The following MAMLD1 variants were observed in gnomAD, a reference collection of about 807,000 sequenced individuals.
MAMLD1 encodes mastermind-like domain-containing protein 1.
Under a neutral mutation model 45.0 loss-of-function variants are expected in MAMLD1, and 14 were observed. That is an observed-to-expected ratio of 0.31 (90% CI 0.21 to 0.49). The LOEUF (loss-of-function observed/expected upper bound fraction) is 0.49, where lower values mean the gene tolerates loss of function less well. Ranked by LOEUF, MAMLD1 falls within the 20% of genes least tolerant of loss-of-function variation. The pLI is 0.99. For synonymous variants in MAMLD1, 254 were observed against 247.8 expected, an observed-to-expected ratio of 1.02 and a Z score of -0.24; for missense variants, 543 against 603.6, an observed-to-expected ratio of 0.90 and a Z score of 1.05.
chrX:150,487,827 A>G (rs1038570821), intron 5 of MAMLD1, among the ~76,000 whole-genome samples: 3 of 112,294 alleles, frequency 2.7e-5, no homozygotes, highest in Non-Finnish European at 5.6e-5. Context: ...TTTGTTAAAA[A>G]TCCTCACTGA....
At chrX:150,503,664 G>A in intron 6 of MAMLD1, 147 bp downstream of exon 6, 3 of 480,443 alleles carry the variant, frequency 6.2e-6, no homozygotes, top group Middle Eastern at 5.6e-4. Flanking sequence ...ACCCATGAGG[G>A]ACTTCTAGTG....
chrX:150,435,419 G>A (rs1221974765), intron 1 of MAMLD1, among the ~76,000 whole-genome samples: 3 of 111,522 alleles, frequency 2.7e-5, no homozygotes. Flanking sequence ...GGAGGCTGAG[G>A]CAAAGAATTG....
chrX:150,431,329 T>C (rs918241941), intron 1 of MAMLD1, among the ~76,000 whole-genome samples: 1 of 111,423 alleles, frequency 9.0e-6, no homozygotes. Context: ...AGTTTCTCTG[T>C]AGATACTTTG....
At position 150,363,505 on chromosome X, in the gene MAMLD1, C is replaced by G. The variant is rs1019499978; in HGVS notation, c.-89C>G. On this transcript the variant is annotated 5_prime_UTR_variant, in exon 1 of 8. Transcript: ENST00000370401. The stretch of plus-strand genomic sequence containing the variant: ...CCGCCCGCCCCTCGGACACTGCCCC[C>G]GCCGCCGCCGGAGCTCTGCAGCACG... The G allele has an allele frequency of 6.2e-5, 7 of 112,370 alleles. No individual in the cohort carries two copies. The highest frequency in any genetic ancestry group is 2.3e-4 in the African/African-American group (7 of 30,950). The allele number at this position is 112,370 out of a possible 1,213,427, so 9.3% of individuals were successfully genotyped here. A position where few individuals can be genotyped will look rare whatever the true frequency, so the allele number is the denominator to read the frequency against.
chrX:150,404,014 A>AG (rs2033932504), intron 1 of MAMLD1, among the ~76,000 whole-genome samples: 3 of 91,571 alleles, frequency 3.3e-5, no homozygotes, highest in African/African-American at 1.2e-4. Flanking sequence ...GAAGGAAGAA[A>AG]GAAGAAGGGA....
At chrX:150,443,545 C>A (rs1485461525) in intron 1 of MAMLD1, among the ~76,000 whole-genome samples, 1 of 89,501 alleles carries the variant, frequency 1.1e-5, no homozygotes, top group Non-Finnish European at 2.2e-5. Context: ...TCTCCTAATG[C>A]TATCCCTCCT....
chrX:150,443,525 A>G (rs1557404653), intron 1 of MAMLD1, among the ~76,000 whole-genome samples: 1 of 102,363 alleles, frequency 9.8e-6, no homozygotes, highest in African/African-American at 3.5e-5. Context: ...GTCATTTAGC[A>G]TTAGGTATAT....
At chrX:150,389,205 CCTGA>C (rs1163388227) in intron 1 of MAMLD1, among the ~76,000 whole-genome samples, 1 of 110,987 alleles carries the variant, frequency 9.0e-6, no homozygotes, top group Non-Finnish European at 1.9e-5. Context: ...CACTGCCACG[CCTGA>C]CTAATTTTTT....
At chrX:150,469,609 C>G in intron 3 of MAMLD1, 136 bp from the exon 4 acceptor site, 4 of 347,938 alleles carry the variant, frequency 1.1e-5, no homozygotes, top group Non-Finnish European at 2.0e-5. Context: ...AAAAATTCCT[C>G]TCTCTCTCTC....
intron 6 of MAMLD1, 39 bp downstream of exon 6, chrX:150,503,556 T>C: frequency 1.2e-6 from 1 of 841,954 alleles, no homozygotes; most frequent in Non-Finnish European, 1.7e-6. Flanking sequence ...TCCTCATCTG[T>C]CAACGGGGCA....
At chrX:150,496,294 G>A (rs1213567452) in intron 5 of MAMLD1, among the ~76,000 whole-genome samples, 1 of 112,481 alleles carries the variant, frequency 8.9e-6, no homozygotes. Flanking sequence ...GCGGTTAAGA[G>A]CCTGGATTTT....
chrX:150,495,580 C>T (rs685809), intron 5 of MAMLD1, among the ~76,000 whole-genome samples: 23,157 of 111,958 alleles, frequency 0.21, 2,185 homozygotes, highest in East Asian at 0.46. Context: ...TCCACTGATC[C>T]GGCCAGCAGG....
chrX:150,474,595 C>A (rs1250486609), intron 5 of MAMLD1, among the ~76,000 whole-genome samples: 1 of 111,921 alleles, frequency 8.9e-6, no homozygotes, highest in Non-Finnish European at 1.9e-5. Context: ...ATCTCCAGAC[C>A]CTGTACCCAC....
At chrX:150,403,964 G>GAAAGAAAGAA (rs1557402574) in intron 1 of MAMLD1, among the ~76,000 whole-genome samples, 26 of 83,711 alleles carry the variant, frequency 3.1e-4, no homozygotes, top group African/African-American at 1.2e-3. Flanking sequence ...AAGAAAGAAA[G>GAAAGAAAGAA]AAAGAAAGAA....
At position 150,394,129 on chromosome X, in the gene MAMLD1, C is replaced by CTTTTTTTTTTTTTT. The variant is rs781904160; in HGVS notation, c.-64+30611_-64+30624dup. On this transcript the variant is annotated intron_variant, in intron 1 of 7. Transcript: ENST00000370401. ...GGGGTGTAAGGTCTATATCTACATC[C>CTTTTTTTTTTTTTT]TTTTTTTTTTTTTTTTTTTTTTTTT... Among the ~76,000 whole-genome samples the CTTTTTTTTTTTTTT allele has an allele frequency of 6.7e-3, 82 of 12,259 alleles. 8 individuals carry two copies. The highest frequency in any genetic ancestry group is 7.1e-3 in the Non-Finnish European group (56 of 7,900). The allele number at this position is 12,259 out of a possible 115,157, so 10.6% of individuals were successfully genotyped here. A position where few individuals can be genotyped will look rare whatever the true frequency, so the allele number is the denominator to read the frequency against.
In MAMLD1 at chrX:150,504,194, G is replaced by A. The variant is rs148085517; in HGVS notation, c.2284+677G>A. 9 of 752,201 alleles carry A rather than the reference G, an allele frequency of 1.2e-5. No individual in the cohort carries two copies. In the East Asian group the frequency reaches 6.1e-4, roughly 51 times the overall value. The allele number at this position is 752,201 out of a possible 1,213,427, so 62.0% of individuals were successfully genotyped here. A position where few individuals can be genotyped will look rare whatever the true frequency, so the allele number is the denominator to read the frequency against. ...AATGGCTTGACTTGCCCCCAGAGTC[G>A]CATCAGTGGTCATGAGAGCAAGCGG... On this transcript the variant is annotated intron_variant, in intron 6 of 7. Transcript: ENST00000370401.
In MAMLD1 at chrX:150,453,554, G is replaced by C. The variant is rs1380104904; in HGVS notation, c.96+7942G>C. Among the ~76,000 whole-genome samples, 4 of 111,962 alleles carry C rather than the reference G, an allele frequency of 3.6e-5. No individual in the cohort carries two copies. In the East Asian group the frequency reaches 1.1e-3, roughly 31 times the overall value. ...TTCTCAAAAGTTCTTGCCCCTAAAA[G>C]TGTTTCTTTTCCTTCCATTTCTCCT... On this transcript the variant is annotated intron_variant, in intron 2 of 7. Coordinates refer to ENST00000370401, the MANE Select transcript of MAMLD1 (RefSeq NM_005491.5).
intron 1 of MAMLD1, among the ~76,000 whole-genome samples, chrX:150,370,025 C>G (rs893145185): frequency 9.3e-6 from 1 of 108,044 alleles, no homozygotes; most frequent in Non-Finnish European, 1.9e-5. Context: ...TGTTGATACA[C>G]ATATAATGGA....
intron 2 of MAMLD1, among the ~76,000 whole-genome samples, chrX:150,451,864 C>T (rs1043263386): frequency 9.0e-6 from 1 of 111,152 alleles, no homozygotes; most frequent in African/African-American, 3.3e-5. Flanking sequence ...TCATTGCCTC[C>T]CTCTCTCTTG....
Sources: gnomAD v4.1 joint callset for allele counts (sites outside exome capture counted in the v4.1 genomes callset) on GRCh38, gnomAD v4.1.1 for gene constraint, MANE v1.5 for transcripts, NCBI Gene and HGNC (gene_info 2026-07-23, HGNC 2026-07-21) for gene names.